Variants in HERC2 observed in about 807,000 individuals in gnomAD.
HERC2 encodes HECT and RLD domain containing E3 ubiquitin protein ligase 2.
In HERC2, 102 loss-of-function variants were observed where a neutral mutation model predicts 537.7. The observed-to-expected ratio is 0.19, with a 90% CI of 0.16 to 0.22. The LOEUF (loss-of-function observed/expected upper bound fraction) is 0.22. Among genes scored for constraint, HERC2 ranks in the 10% least tolerant of loss-of-function variants. The pLI, the probability that HERC2 is intolerant of heterozygous loss-of-function variation, is 1.00. For synonymous variants in HERC2, 2,224 were observed against 2,466.2 expected (o/e 0.90, Z 2.91); for missense variants, 4,236 against 6,198.2 (o/e 0.68, Z 10.63).
intron 21 of HERC2, 89 bp from the exon 22 acceptor site, chr15:28,246,986 A>G (rs1451643245): frequency 1.8e-6 from 2 of 1,117,202 alleles, no homozygotes; most frequent in African/African-American, 3.2e-5. Flanking sequence ...ATTCTCATCT[A>G]CACATCTTTT....
intron 2 of HERC2, among the ~76,000 whole-genome samples, chr15:28,314,955 C>T (rs562095196): frequency 1.1e-4 from 16 of 152,236 alleles, no homozygotes; most frequent in African/African-American, 3.1e-4. Flanking sequence ...GGCAGCTTCT[C>T]GCAGGACAAT....
At chr15:28,181,121 T>G (rs1895777099) in intron 57 of HERC2, among the ~76,000 whole-genome samples, 1 of 152,222 alleles carries the variant, frequency 6.6e-6, no homozygotes, top group South Asian at 2.1e-4. Context: ...AATTTCCCAT[T>G]GTAGATGGAT....
intron 2 of HERC2, among the ~76,000 whole-genome samples, chr15:28,313,817 A>G (rs1432048231): frequency 1.3e-5 from 2 of 152,168 alleles, no homozygotes; most frequent in East Asian, 1.9e-4. Flanking sequence ...AGGTCTTCCT[A>G]AAGTCTGAGA....
intron 92 of HERC2, among the ~76,000 whole-genome samples, chr15:28,112,576 C>T (rs1276785771): frequency 6.6e-6 from 1 of 152,214 alleles, no homozygotes; most frequent in East Asian, 1.9e-4. Context: ...TCCATCCGCC[C>T]AGGCACTGCT....
chr15:28,311,121 C>T, intron 2 of HERC2, among the ~76,000 whole-genome samples: 1 of 133,468 alleles, frequency 7.5e-6, no homozygotes, highest in East Asian at 2.1e-4. Flanking sequence ...ACCAAGGGTC[C>T]AAAAAAGAAA....
intron 3 of HERC2, 129 bp downstream of exon 3, chr15:28,299,273 A>G: frequency 2.1e-6 from 1 of 476,846 alleles, no homozygotes; most frequent in East Asian, 3.3e-5. Flanking sequence ...AACAATCTCC[A>G]AAGTAAAAAG....
chr15:28,291,503 A>C (rs532269409), intron 4 of HERC2, among the ~76,000 whole-genome samples: 10 of 152,196 alleles, frequency 6.6e-5, no homozygotes, highest in Non-Finnish European at 8.8e-5. Flanking sequence ...AGGAAAGCTG[A>C]AACTGGGGTG....
At chr15:28,295,475 GGTTCAAGTGATTCTCCCAA>G (rs1302463081) in intron 3 of HERC2, among the ~76,000 whole-genome samples, 10 of 152,114 alleles carry the variant, frequency 6.6e-5, no homozygotes, top group African/African-American at 2.4e-4. Context: ...CTGCCTCCCA[GGTTCAAGTGATTCTCCCAA>G]GTTCAAGTGA....
At chr15:28,296,876 A>G (rs1015179442) in intron 3 of HERC2, among the ~76,000 whole-genome samples, 3 of 151,870 alleles carry the variant, frequency 2.0e-5, no homozygotes, top group Non-Finnish European at 2.9e-5. Flanking sequence ...TTTCAACACA[A>G]TTGTCCTTAG....
chr15:28,174,536 A>G lies in HERC2; in HGVS notation c.9916T>C (p.Leu3306=). The part of the protein sequence containing the change: ...VNRKPTLVQG[L]EGQKITRVAC... ...ACGCGTGTGATCTTCTGGCCTTCTA[A>G]GCCTTGCACGAGTGTGGGCTTCCTG... The change falls in exon 65 of 93, where the codon TTA becomes CTA. Residue 3306 remains leucine (L), a synonymous_variant. Transcript: ENST00000261609. The G allele has an allele frequency of 6.2e-7, 1 of 1,613,994 alleles. No homozygotes were observed. Among genetic ancestry groups the G allele is most frequent in the Middle Eastern group, 1.7e-4 (1 of 5,998 alleles).
chr15:28,167,647 T>C, intron 68 of HERC2, 40 bp downstream of exon 68: 1 of 1,609,750 alleles, frequency 6.2e-7, no homozygotes, highest in East Asian at 2.2e-5. Flanking sequence ...ACATTTAAGA[T>C]TATTTCACAA....
chr15:28,318,610 C>G (rs1442985511), intron 2 of HERC2, among the ~76,000 whole-genome samples: 3 of 120,698 alleles, frequency 2.5e-5, no homozygotes, highest in African/African-American at 8.8e-5. Flanking sequence ...GAGACAGAGT[C>G]AGACTCCATC....
chr15:28,273,368 A>G (rs1467486965), intron 7 of HERC2, among the ~76,000 whole-genome samples: 5 of 152,260 alleles, frequency 3.3e-5, no homozygotes, highest in Non-Finnish European at 7.3e-5. Flanking sequence ...GCATTTATCT[A>G]CAGAATTAAA....
chr15:28,112,102 T>TA, intron 92 of HERC2, 67 bp from the exon 93 acceptor site: 2 of 1,479,640 alleles, frequency 1.4e-6, no homozygotes, highest in Non-Finnish European at 1.9e-6. Flanking sequence ...CTGTGCTCAT[T>TA]AGACTCTTCG....
chr15:28,203,728 C>G (rs1898118169), intron 45 of HERC2: 3 of 151,992 alleles, frequency 2.0e-5, no homozygotes, highest in Admixed American at 2.0e-4. Context: ...AGGGAAAGCC[C>G]GCCTGAGAAA....
intron 78 of HERC2, among the ~76,000 whole-genome samples, chr15:28,137,828 G>C (rs1226469201): frequency 6.6e-6 from 1 of 152,226 alleles, no homozygotes; most frequent in Non-Finnish European, 1.5e-5. Context: ...AAATGATTAA[G>C]ATTAGTGAGT....
intron 35 of HERC2, among the ~76,000 whole-genome samples, chr15:28,226,215 C>A (rs1420075289): frequency 6.6e-6 from 1 of 152,212 alleles, no homozygotes; most frequent in African/African-American, 2.4e-5. Context: ...TTCCCCAAAA[C>A]AATCTACAGA....
chr15:28,305,232 G>C (rs1286687761), intron 2 of HERC2, among the ~76,000 whole-genome samples: 5 of 151,398 alleles, frequency 3.3e-5, no homozygotes, highest in African/African-American at 1.2e-4. Context: ...TATATACCCA[G>C]TAATGGGATG....
At chr15:28,160,358 C>T (rs557463711) in intron 69 of HERC2, among the ~76,000 whole-genome samples, 1 of 152,336 alleles carries the variant, frequency 6.6e-6, no homozygotes, top group South Asian at 2.1e-4. Context: ...AGGCAGGCCT[C>T]CTTGAGCTGC....
Sources: allele counts gnomAD v4.1 joint callset (sites outside exome capture counted in the v4.1 genomes callset), GRCh38; gene constraint gnomAD v4.1.1; transcripts MANE v1.5; gene names NCBI Gene and HGNC (gene_info 2026-07-23, HGNC 2026-07-21).